LRRC4C: variants seen among roughly 807,000 people sequenced by gnomAD.
LRRC4C encodes the protein leucine-rich repeat-containing protein 4C.
LRRC4C carries 5 observed loss-of-function variants against 33.6 expected under a neutral mutation model. That is an observed-to-expected ratio of 0.15 (90% CI 0.08 to 0.31). LRRC4C has a LOEUF of 0.31. LRRC4C is among the 10% of genes least tolerant of loss of function. The pLI, the probability that LRRC4C is intolerant of heterozygous loss-of-function variation, is 1.00. For synonymous variants in LRRC4C, 329 were observed against 302.0 expected, an observed-to-expected ratio of 1.09 and a Z score of -0.93; for missense variants, 560 against 796.7, an observed-to-expected ratio of 0.70 and a Z score of 3.58.
At chr11:41,011,702 C>T (rs1186421185) in intron 1 of LRRC4C, among the ~76,000 whole-genome samples, 1 of 151,394 alleles carries the variant, frequency 6.6e-6, no homozygotes, top group Non-Finnish European at 1.5e-5. Flanking sequence ...GTTATGGAGT[C>T]ACTAAGCCCG....
At chr11:41,348,237 C>T (rs376663762) in intron 1 of LRRC4C, among the ~76,000 whole-genome samples, 1 of 152,112 alleles carries the variant, frequency 6.6e-6, no homozygotes. Context: ...AGGTAAATGT[C>T]TATTGTGCCA....
At chr11:40,614,965 A>G (rs903352436) in intron 3 of LRRC4C, among the ~76,000 whole-genome samples, 1 of 151,642 alleles carries the variant, frequency 6.6e-6, no homozygotes, top group African/African-American at 2.4e-5. Context: ...AGATTTAATA[A>G]TAATGAAAAA....
intron 2 of LRRC4C, among the ~76,000 whole-genome samples, chr11:40,806,340 C>A (rs1367738544): frequency 6.6e-6 from 1 of 152,194 alleles, no homozygotes; most frequent in African/African-American, 2.4e-5. Context: ...CTGTCCATGT[C>A]CATGTCCACG....
At chr11:40,661,590 C>T (rs1943438804) in intron 2 of LRRC4C, among the ~76,000 whole-genome samples, 1 of 152,178 alleles carries the variant, frequency 6.6e-6, no homozygotes, top group South Asian at 2.1e-4. Context: ...AGCTTGTTTT[C>T]TCCTCTTTAG....
chr11:40,354,584 T>C (rs531418911), intron 3 of LRRC4C, among the ~76,000 whole-genome samples: 3 of 152,312 alleles, frequency 2.0e-5, no homozygotes, highest in African/African-American at 7.2e-5. Context: ...TTCTCCCTTC[T>C]TCAAGCAGGA....
At position 40,892,103 on chromosome 11, in the gene LRRC4C, C is replaced by G. The variant is rs560553805; in HGVS notation, c.-407+41532G>C. Among the ~76,000 whole-genome samples the G allele has an allele frequency of 2.8e-5, 4 of 143,052 alleles. No individual in the cohort carries two copies. In the South Asian group the frequency reaches 6.6e-4, roughly 24 times the overall value. The allele number at this position is 143,052 out of a possible 152,430, so 93.8% of individuals were successfully genotyped here. On this transcript the variant is annotated intron_variant, in intron 2 of 6. Coordinates refer to ENST00000528697, the MANE Select transcript of LRRC4C (RefSeq NM_001258419.2). ...TGAGTGGCGATGGCGCCACTGCACT[C>G]CAGCCTGGGCGACAGTGCGAGATTG... is the stretch of plus-strand genomic sequence containing the variant.
At chr11:40,504,656 G>A (rs1238681484) in intron 3 of LRRC4C, among the ~76,000 whole-genome samples, 1 of 152,144 alleles carries the variant, frequency 6.6e-6, no homozygotes, top group East Asian at 1.9e-4. Flanking sequence ...TCTCAGTTAT[G>A]TGTTGAAATA....
At chr11:40,844,675 A>T (rs1180528785) in intron 2 of LRRC4C, among the ~76,000 whole-genome samples, 1 of 152,184 alleles carries the variant, frequency 6.6e-6, no homozygotes, top group Non-Finnish European at 1.5e-5. Context: ...AGGAATCATT[A>T]CTTTCTCATT....
chr11:41,160,751 A>G (rs1459568415), intron 1 of LRRC4C, among the ~76,000 whole-genome samples: 3 of 152,304 alleles, frequency 2.0e-5, no homozygotes, highest in South Asian at 2.1e-4. Flanking sequence ...CAGACACTCA[A>G]ATGACTATTG....
At chr11:40,231,250 C>T (rs1272183702) in intron 5 of LRRC4C, among the ~76,000 whole-genome samples, 2 of 152,114 alleles carry the variant, frequency 1.3e-5, no homozygotes, top group African/African-American at 2.4e-5. Flanking sequence ...CTAGCATTCA[C>T]GTTCAGATTT....
In LRRC4C at chr11:40,166,521, G is replaced by A. The variant is rs533120253; in HGVS notation, c.-95-25668C>T. Among the ~76,000 whole-genome samples the A allele has an allele frequency of 3.4e-3, 510 of 152,166 alleles. 1 individual carries two copies. Among genetic ancestry groups the A allele is most frequent in the Middle Eastern group, 0.01 (3 of 294 alleles). On this transcript the variant is annotated intron_variant, in intron 5 of 6. Coordinates refer to ENST00000528697, the MANE Select transcript of LRRC4C (RefSeq NM_001258419.2). ...CCTACTGTGTGTGCTGGTTAACTGT[G>A]TTCAATTTGTGAAATGTCATGAACA...
rs1946340167 is a variant in LRRC4C at position 40,709,297 on chromosome 11, C to A, written c.-406-61019G>T. ...GTTAGTTGATGCAGTTTCTTCCTAG[C>A]ATCCATGGTCTTTACAATTTGGCAT... On this transcript the variant is annotated intron_variant, in intron 2 of 6. Transcript: ENST00000528697. Among the ~76,000 whole-genome samples, 3 of 152,116 alleles carry A rather than the reference C, an allele frequency of 2.0e-5. No individual in the cohort carries two copies. The South Asian group carries it at 6.2e-4, about 32-fold the overall frequency.
chr11:41,298,771 A>G (rs1950209749), intron 1 of LRRC4C, among the ~76,000 whole-genome samples: 1 of 152,084 alleles, frequency 6.6e-6, no homozygotes, highest in South Asian at 2.1e-4. Flanking sequence ...CCATTAAGTA[A>G]TTTCTCATCT....
At chr11:40,989,034 G>T (rs1853307576) in intron 1 of LRRC4C, among the ~76,000 whole-genome samples, 1 of 151,896 alleles carries the variant, frequency 6.6e-6, no homozygotes, top group African/African-American at 2.4e-5. Context: ...TTGTTTTCTT[G>T]ATGGGTATTC....
chr11:41,112,276 T>C (rs1941877202), intron 1 of LRRC4C, among the ~76,000 whole-genome samples: 1 of 152,062 alleles, frequency 6.6e-6, no homozygotes, highest in Non-Finnish European at 1.5e-5. Context: ...AAAACCTTTC[T>C]GGCCAGTTTC....
intron 3 of LRRC4C, among the ~76,000 whole-genome samples, chr11:40,488,890 T>C (rs963944369): frequency 6.6e-6 from 1 of 152,104 alleles, no homozygotes; most frequent in Non-Finnish European, 1.5e-5. Flanking sequence ...AATGATCTTA[T>C]GCCTGCCCAA....
chr11:41,121,295 A>G (rs1039318084), intron 1 of LRRC4C, among the ~76,000 whole-genome samples: 1 of 152,168 alleles, frequency 6.6e-6, no homozygotes, highest in African/African-American at 2.4e-5. Flanking sequence ...ACAGTTCAGC[A>G]AAGCTATAAC....
intron 2 of LRRC4C, among the ~76,000 whole-genome samples, chr11:40,777,971 A>C (rs1382914216): frequency 1.3e-5 from 2 of 152,178 alleles, no homozygotes; most frequent in Non-Finnish European, 2.9e-5. Flanking sequence ...TACAGGCATG[A>C]GCCACCGCTC....
chr11:40,962,013 A>G (rs1044962841), intron 1 of LRRC4C, among the ~76,000 whole-genome samples: 10 of 151,572 alleles, frequency 6.6e-5, no homozygotes, highest in Admixed American at 2.6e-4. Flanking sequence ...TCCAAGGTCT[A>G]AAATATTTAC....
Sources: allele counts gnomAD v4.1 joint callset (sites outside exome capture counted in the v4.1 genomes callset), GRCh38; gene constraint gnomAD v4.1.1; transcripts MANE v1.5; gene names NCBI Gene and HGNC (gene_info 2026-07-23, HGNC 2026-07-21).